Variants in KLHL29 observed in about 807,000 individuals in gnomAD.
The protein encoded by KLHL29 is kelch like family member 29.
KLHL29 carries 21 observed loss-of-function variants against 80.4 expected under a neutral mutation model. The ratio of observed to expected loss-of-function variants is 0.26; its 90% CI spans 0.19 to 0.38. The LOEUF (loss-of-function observed/expected upper bound fraction) is 0.38, where lower values mean the gene tolerates loss of function less well. KLHL29 is among the 10% of genes least tolerant of loss of function. The pLI, the probability that KLHL29 is intolerant of heterozygous loss-of-function variation, is 1.00. For missense variants in KLHL29, 867 were observed against 1,223.9 expected (o/e 0.71, Z 4.35); for synonymous variants, 511 against 526.8 (o/e 0.97, Z 0.41).
At chr2:23,701,819 T>TTC (rs1376750365) in intron 11 of KLHL29, among the ~76,000 whole-genome samples, 2 of 103,290 alleles carry the variant, frequency 1.9e-5, no homozygotes, top group Non-Finnish European at 2.0e-5. Context: ...TTTTTTTTTT[T>TTC]CAGACGGAGT....
At chr2:23,508,015 G>A (rs1218147346) in intron 2 of KLHL29, among the ~76,000 whole-genome samples, 1 of 152,212 alleles carries the variant, frequency 6.6e-6, no homozygotes, top group Non-Finnish European at 1.5e-5. Flanking sequence ...TTGTCCTAGG[G>A]ACGGCTCCTG....
At chr2:23,699,445 C>G (rs1862900) in intron 11 of KLHL29, among the ~76,000 whole-genome samples, 1 of 151,978 alleles carries the variant, frequency 6.6e-6, no homozygotes, top group Non-Finnish European at 1.5e-5. Context: ...AGACCAGCCC[C>G]CAAGGAACCC....
At chr2:23,662,886 G>C (rs563574976) in intron 5 of KLHL29, among the ~76,000 whole-genome samples, 1 of 152,166 alleles carries the variant, frequency 6.6e-6, no homozygotes, top group African/African-American at 2.4e-5. Flanking sequence ...GTTGAAAGCC[G>C]TAAATGCAAG....
intron 1 of KLHL29, among the ~76,000 whole-genome samples, chr2:23,437,701 T>C (rs1430502497): frequency 6.6e-6 from 1 of 152,240 alleles, no homozygotes; most frequent in East Asian, 1.9e-4. Flanking sequence ...CATGCTGTTT[T>C]GGTTACTGTA....
At chr2:23,520,711 GAA>G (rs1666067635) in intron 2 of KLHL29, among the ~76,000 whole-genome samples, 1 of 152,218 alleles carries the variant, frequency 6.6e-6, no homozygotes. Context: ...CACAGTGGAT[GAA>G]AGTTTTCCCA....
intron 6 of KLHL29, among the ~76,000 whole-genome samples, chr2:23,687,617 C>G (rs1404775351): frequency 6.6e-6 from 1 of 152,194 alleles, no homozygotes; most frequent in Admixed American, 6.5e-5. Context: ...GACGATGCTT[C>G]AGAGACTTGT....
chr2:23,665,906 C>A (rs1298181599), intron 5 of KLHL29, among the ~76,000 whole-genome samples: 2 of 152,168 alleles, frequency 1.3e-5, no homozygotes, highest in African/African-American at 4.8e-5. Flanking sequence ...TTGGAGGGGA[C>A]AAATATCCAA....
chr2:23,690,540 GAAGC>G (rs1374401861), intron 6 of KLHL29: 1 of 152,284 alleles, frequency 6.6e-6, no homozygotes, highest in Non-Finnish European at 1.5e-5. Flanking sequence ...GGCCTCCTGA[GAAGC>G]GAGTGAGTGG....
At chr2:23,703,434 G>A (rs1672517588) in intron 12 of KLHL29, 55 bp downstream of exon 12, 2 of 1,368,616 alleles carry the variant, frequency 1.5e-6, no homozygotes, top group African/African-American at 1.5e-5. Context: ...CTGCCTTGCT[G>A]ATTTGTTCAG....
chr2:23,627,702 G>T (rs929200314), intron 3 of KLHL29, among the ~76,000 whole-genome samples: 4 of 141,698 alleles, frequency 2.8e-5, no homozygotes, highest in Admixed American at 7.4e-5. Context: ...GTCTAATAAG[G>T]TCGCTGAGGA....
At chr2:23,426,840 G>A (rs766176584) in intron 1 of KLHL29, among the ~76,000 whole-genome samples, 3 of 152,302 alleles carry the variant, frequency 2.0e-5, no homozygotes, top group Middle Eastern at 3.4e-3. Context: ...GTGTTCTAGC[G>A]GGGGGTGATA....
rs1351557137 is a variant in KLHL29 at position 23,680,989 on chromosome 2, C to T, written c.941-3410C>T. On this transcript the variant is annotated intron_variant, in intron 5 of 13. Transcript: ENST00000486442. The surrounding 1 kb of genome is among the most constrained non-coding windows in gnomAD (Gnocchi z 4.1). Reference sequence around the variant, plus strand: ...CAGACCCCGCAGCAATCCCACACACCTCACTTGGAAGCTTCTCAGAGATCA... The same window carrying T: ...CAGACCCCGCAGCAATCCCACACACTTCACTTGGAAGCTTCTCAGAGATCA... 6.6e-6 allele frequency among the ~76,000 whole-genome samples: 1 copy of T among 152,228 alleles called. No individual in the cohort carries two copies. Among genetic ancestry groups the T allele is most frequent in the Non-Finnish European group, 1.5e-5 (1 of 68,034 alleles).
At chr2:23,661,633 G>C (rs1477854695) in intron 5 of KLHL29, among the ~76,000 whole-genome samples, 1 of 152,238 alleles carries the variant, frequency 6.6e-6, no homozygotes, top group African/African-American at 2.4e-5. Context: ...GGCTTTACTC[G>C]TGGCCGAGTA....
chr2:23,463,614 GA>G (rs1664273604), intron 1 of KLHL29, among the ~76,000 whole-genome samples: 1 of 152,144 alleles, frequency 6.6e-6, no homozygotes, highest in African/African-American at 2.4e-5. Flanking sequence ...GGAGCCCAAA[GA>G]CAGAACACCG....
At chr2:23,634,307 G>C (rs951690463) in intron 3 of KLHL29, among the ~76,000 whole-genome samples, 1 of 152,192 alleles carries the variant, frequency 6.6e-6, no homozygotes, top group Non-Finnish European at 1.5e-5. Context: ...CTCCAGGAAA[G>C]GCCCATGTGC....
chr2:23,665,400 G>A (rs566151296), intron 5 of KLHL29, among the ~76,000 whole-genome samples: 1 of 152,178 alleles, frequency 6.6e-6, no homozygotes, highest in Non-Finnish European at 1.5e-5. Flanking sequence ...TGGGACACTA[G>A]TCATTCAAAT....
At chr2:23,391,225 A>T (rs1366071383) in intron 1 of KLHL29, among the ~76,000 whole-genome samples, 1 of 152,242 alleles carries the variant, frequency 6.6e-6, no homozygotes, top group Non-Finnish European at 1.5e-5. Context: ...GGCATGGGAC[A>T]GGCTTTCCTT....
chr2:23,625,681 C>T (rs1239914568), intron 3 of KLHL29, among the ~76,000 whole-genome samples: 1 of 152,190 alleles, frequency 6.6e-6, no homozygotes, highest in African/African-American at 2.4e-5. Context: ...TTCTGAACGC[C>T]CACTTTGTGC....
intron 3 of KLHL29, among the ~76,000 whole-genome samples, chr2:23,602,417 C>T (rs919219117): frequency 6.6e-6 from 1 of 152,148 alleles, no homozygotes; most frequent in African/African-American, 2.4e-5. Context: ...GCCCCAAAGG[C>T]TGGCTCTGAG....
Sources: allele counts gnomAD v4.1 joint callset (sites outside exome capture counted in the v4.1 genomes callset), GRCh38; gene constraint gnomAD v4.1.1; non-coding constraint Gnocchi (gnomAD v3.1); transcripts MANE v1.5; gene names NCBI Gene and HGNC (gene_info 2026-07-23, HGNC 2026-07-21).